The following CALD1 variants were observed in gnomAD, a reference collection of about 807,000 sequenced individuals.
CALD1 encodes the protein caldesmon.
CALD1 carries 33 observed loss-of-function variants against 99.9 expected under a neutral mutation model. That is an observed-to-expected ratio of 0.33 (90% confidence interval 0.25 to 0.44). The LOEUF is 0.44. Ranked by LOEUF, CALD1 falls within the 20% of genes least tolerant of loss-of-function variation. The pLI is 1.00. For synonymous variants in CALD1, 310 were observed against 325.0 expected, an observed-to-expected ratio of 0.95 and a Z score of 0.50; for missense variants, 861 against 962.1, an observed-to-expected ratio of 0.89 and a Z score of 1.39.
intron 2 of CALD1, among the ~76,000 whole-genome samples, chr7:134,863,008 G>A (rs988952138): frequency 6.6e-6 from 1 of 152,016 alleles, no homozygotes; most frequent in Non-Finnish European, 1.5e-5. Flanking sequence ...ATTTTCTCAT[G>A]GCATCTCACC....
chr7:134,943,092 G>C (rs1358104703), intron 7 of CALD1, among the ~76,000 whole-genome samples: 1 of 152,154 alleles, frequency 6.6e-6, no homozygotes, highest in Non-Finnish European at 1.5e-5. Flanking sequence ...GTTTCAATTA[G>C]AAGTTCACGC....
At chr7:134,821,623 C>T (rs1403965576) in intron 1 of CALD1, among the ~76,000 whole-genome samples, 1 of 63,090 alleles carries the variant, frequency 1.6e-5, no homozygotes, top group East Asian at 1.4e-3. Flanking sequence ...CGCTCCGTCA[C>T]CCAGGCTGGA....
chr7:134,963,994 C>T (rs987326323), intron 13 of CALD1, among the ~76,000 whole-genome samples: 2 of 152,060 alleles, frequency 1.3e-5, no homozygotes, highest in African/African-American at 4.8e-5. Context: ...GTCAGGAGAT[C>T]GAGACCATCC....
the CALD1 span, among the ~76,000 whole-genome samples, chr7:134,723,861 G>C: frequency 6.6e-6 from 1 of 152,200 alleles, no homozygotes; most frequent in Non-Finnish European, 1.5e-5. Context: ...CATGTTGGAA[G>C]TAGGGGGATT....
chr7:134,798,584 T>G (rs1166127900), intron 1 of CALD1, among the ~76,000 whole-genome samples: 2 of 152,226 alleles, frequency 1.3e-5, no homozygotes, highest in Admixed American at 6.5e-5. Flanking sequence ...AAGACCTGAG[T>G]GACGTTCCCC....
chr7:134,770,400 A>C (rs908293632), intron 1 of CALD1, among the ~76,000 whole-genome samples: 11 of 152,150 alleles, frequency 7.2e-5, no homozygotes, highest in African/African-American at 2.2e-4. Context: ...AGGAGTACAA[A>C]ATCAAGGTGT....
At chr7:134,922,863 AC>A (rs1458026245) in intron 3 of CALD1, among the ~76,000 whole-genome samples, 2 of 152,214 alleles carry the variant, frequency 1.3e-5, no homozygotes, top group African/African-American at 4.8e-5. Flanking sequence ...GGTGTTAAAG[AC>A]CTAAAATATC....
chr7:134,923,710 TATA>T (rs1421971869), intron 3 of CALD1, among the ~76,000 whole-genome samples: 1 of 152,240 alleles, frequency 6.6e-6, no homozygotes, highest in Non-Finnish European at 1.5e-5. Flanking sequence ...TATCGTTTGA[TATA>T]ATAAGGATCC....
At chr7:134,871,756 G>C (rs973621582) in intron 3 of CALD1, among the ~76,000 whole-genome samples, 1 of 152,068 alleles carries the variant, frequency 6.6e-6, no homozygotes, top group African/African-American at 2.4e-5. Flanking sequence ...TATTTAATTA[G>C]TATTGAGTCT....
At chr7:134,864,347 CAAA>C (rs71172479) in intron 2 of CALD1, among the ~76,000 whole-genome samples, 1 of 126,890 alleles carries the variant, frequency 7.9e-6, no homozygotes. Context: ...AACTCCATCT[CAAA>C]AAAAAAAAAA....
Position 134,752,585 on chromosome 7 carries a change from A to G in CALD1, c.-130+8222A>G, listed in dbSNP as rs571626966. 3.9e-4 allele frequency among the ~76,000 whole-genome samples: 60 copies of G among 152,310 alleles called. 6 individuals carry two copies. The South Asian group carries it at 7.5e-3, about 19-fold the overall frequency. On this transcript the variant is annotated intron_variant, in intron 1 of 13. Coordinates refer to the CALD1 transcript ENST00000417172. ...ACAGAGTTCAGGCTCGGGGAGATAA[A>G]TGTGTCAAGAATGCATAACCACAGC...
At chr7:134,946,506 T>C (rs1385162348) in intron 7 of CALD1, among the ~76,000 whole-genome samples, 1 of 152,204 alleles carries the variant, frequency 6.6e-6, no homozygotes, top group Non-Finnish European at 1.5e-5. Context: ...CCTCTGCCTC[T>C]GGTAACTACA....
At chr7:134,869,284 TG>T (rs2132331864) in intron 3 of CALD1, among the ~76,000 whole-genome samples, 1 of 152,094 alleles carries the variant, frequency 6.6e-6, no homozygotes, top group Non-Finnish European at 1.5e-5. Context: ...ACCTGTTGAG[TG>T]TTTAAGGGAA....
At chr7:134,760,768 T>C (rs1796770061) in intron 1 of CALD1, among the ~76,000 whole-genome samples, 1 of 152,110 alleles carries the variant, frequency 6.6e-6, no homozygotes. Flanking sequence ...GGGGAGAAGA[T>C]AAGAGGATGT....
the CALD1 span, among the ~76,000 whole-genome samples, chr7:134,722,550 T>A: frequency 6.6e-6 from 1 of 152,090 alleles, no homozygotes; most frequent in South Asian, 2.1e-4. Flanking sequence ...CCTCCCCGAG[T>A]AGCTAGGATT....
At chr7:134,789,203 G>C (rs1476417063) in intron 1 of CALD1, among the ~76,000 whole-genome samples, 1 of 152,054 alleles carries the variant, frequency 6.6e-6, no homozygotes, top group Non-Finnish European at 1.5e-5. Context: ...AATAAAATAA[G>C]TTATCTTCAT....
At position 134,969,973 on chromosome 7, in the gene CALD1, T is replaced by G. The variant is rs1406778781; in HGVS notation, c.*1628T>G. The G allele has an allele frequency of 1.3e-5, 2 of 152,628 alleles. No homozygotes were observed. Among genetic ancestry groups the G allele is most frequent in the African/African-American group, 4.8e-5 (2 of 41,466 alleles). 9.5% of individuals were successfully genotyped at this position (152,628 alleles called of 1,614,324 possible). On this transcript the variant is annotated 3_prime_UTR_variant, in exon 15 of 15. Transcript: ENST00000361675. ...CAAATAACTATTTTCTTATCTGCAGTATTCCTCCAGAAGAGCTAACCAGGG... is the reference window on the plus strand; with the variant it reads ...CAAATAACTATTTTCTTATCTGCAGGATTCCTCCAGAAGAGCTAACCAGGG...
intron 1 of CALD1, among the ~76,000 whole-genome samples, chr7:134,805,792 GCT>G (rs879723952): frequency 1.5e-4 from 23 of 152,036 alleles, no homozygotes; most frequent in Non-Finnish European, 2.8e-4. Flanking sequence ...TTTTCTTTTT[GCT>G]CTGTTACCCA....
chr7:134,767,224 T>TGC (rs1554423055), intron 1 of CALD1, among the ~76,000 whole-genome samples: 2 of 147,914 alleles, frequency 1.4e-5, no homozygotes, highest in African/African-American at 5.1e-5. Flanking sequence ...TGTGTGTGTG[T>TGC]GCGTGTGTGA....
Sources: allele counts gnomAD v4.1 joint callset (sites outside exome capture counted in the v4.1 genomes callset), GRCh38; gene constraint gnomAD v4.1.1; transcripts MANE v1.5; gene names NCBI Gene and HGNC (gene_info 2026-07-23, HGNC 2026-07-21).